LOC400499: variants seen among roughly 807,000 people sequenced by gnomAD.
chr16:11,424,085 G>A, the LOC400499 span: 24 of 399,220 alleles, frequency 6.0e-5, no homozygotes, highest in Non-Finnish European at 9.7e-5. Context: ...GAGAGGGCCC[G>A]GGTGCAGCCC....
chr16:11,397,411 C>T, the LOC400499 span, among the ~76,000 whole-genome samples: 1 of 152,104 alleles, frequency 6.6e-6, no homozygotes, highest in Non-Finnish European at 1.5e-5. Context: ...GTAGCTAGGA[C>T]TACAGGCACG....
chr16:11,397,250 C>A, the LOC400499 span, among the ~76,000 whole-genome samples: 1 of 152,102 alleles, frequency 6.6e-6, no homozygotes, highest in African/African-American at 2.4e-5. Context: ...GGTTTGGGGC[C>A]GAATCTGGCT....
chr16:11,515,316 T>A, the LOC400499 span, among the ~76,000 whole-genome samples: 78,442 of 151,162 alleles, frequency 0.52, 22,529 homozygotes, highest in Non-Finnish European at 0.64. Context: ...TAACCAGGAA[T>A]GGTGCCTTGT....
chr16:11,436,214 G>C, the LOC400499 span, among the ~76,000 whole-genome samples: 4 of 152,174 alleles, frequency 2.6e-5, no homozygotes, highest in Non-Finnish European at 5.9e-5. Context: ...ACTCGTGCTG[G>C]TGCCTGAAGG....
chr16:11,381,540 C>T, the LOC400499 span, among the ~76,000 whole-genome samples: 4 of 152,102 alleles, frequency 2.6e-5, no homozygotes, highest in Non-Finnish European at 4.4e-5. Flanking sequence ...TTTCAGACAG[C>T]AAAAATAAGA....
the LOC400499 span, among the ~76,000 whole-genome samples, chr16:11,492,620 T>C: frequency 1.3e-5 from 2 of 151,746 alleles, no homozygotes; most frequent in African/African-American, 4.8e-5. Flanking sequence ...CCATCTCTAC[T>C]AAAATTACAA....
chr16:11,384,985 G>T, the LOC400499 span: 12 of 1,232,244 alleles, frequency 9.7e-6, no homozygotes, highest in Non-Finnish European at 1.2e-5. Flanking sequence ...TCCTGGAGAC[G>T]TCCTTCCTTG....
At chr16:11,484,709 A>G in the LOC400499 span, among the ~76,000 whole-genome samples, 15 of 152,288 alleles carry the variant, frequency 9.8e-5, no homozygotes, top group East Asian at 2.9e-3. Flanking sequence ...AGTTTTTCCA[A>G]ATAAAGCCAG....
At chr16:11,459,672 T>G in the LOC400499 span, among the ~76,000 whole-genome samples, 3 of 152,322 alleles carry the variant, frequency 2.0e-5, no homozygotes, top group Non-Finnish European at 4.4e-5. Context: ...GAAATCTATG[T>G]TTCCCAAGCC....
the LOC400499 span, chr16:11,402,058 G>A: frequency 2.5e-6 from 1 of 399,126 alleles, no homozygotes; most frequent in Admixed American, 4.4e-5. Context: ...CATCCCAGCC[G>A]ACAACCAGGC....
chr16:11,487,385 C>T, the LOC400499 span: 4 of 398,974 alleles, frequency 1.0e-5, no homozygotes, highest in African/African-American at 8.2e-5. Flanking sequence ...GGCTGCCAGA[C>T]ACTAGGAGTA....
At chr16:11,441,763 C>T in the LOC400499 span, among the ~76,000 whole-genome samples, 94 of 152,246 alleles carry the variant, frequency 6.2e-4, no homozygotes, top group African/African-American at 2.2e-3. Flanking sequence ...TGAGCCAAGG[C>T]ATGCAGGCAG....
At chr16:11,468,515 C>T in the LOC400499 span, among the ~76,000 whole-genome samples, 12 of 152,224 alleles carry the variant, frequency 7.9e-5, no homozygotes, top group South Asian at 1.2e-3. Context: ...TTGTAGACAC[C>T]GGGTCTTGCT....
chr16:11,464,330 C>T, the LOC400499 span, among the ~76,000 whole-genome samples: 2 of 152,374 alleles, frequency 1.3e-5, no homozygotes, highest in African/African-American at 2.4e-5. Context: ...CAGTCTGTAT[C>T]AGAGGCTGTG....
chr16:11,404,021 C>G, the LOC400499 span, among the ~76,000 whole-genome samples: 4 of 152,336 alleles, frequency 2.6e-5, no homozygotes, highest in African/African-American at 9.6e-5. Flanking sequence ...TGCTGCTCCA[C>G]ATGCAAACCT....
chr16:11,412,081 C>T, the LOC400499 span, among the ~76,000 whole-genome samples: 2 of 152,092 alleles, frequency 1.3e-5, no homozygotes, highest in South Asian at 2.1e-4. Flanking sequence ...CCCAGGTTGG[C>T]CTCGAGCTTC....
chr16:11,373,866 C>T, the LOC400499 span, among the ~76,000 whole-genome samples: 8 of 150,774 alleles, frequency 5.3e-5, 1 homozygote, highest in South Asian at 6.4e-4. Flanking sequence ...GTGATCTGCC[C>T]GCCTCGGCCT....
the LOC400499 span, among the ~76,000 whole-genome samples, chr16:11,492,094 T>C: frequency 9.2e-5 from 14 of 152,198 alleles, no homozygotes; most frequent in Non-Finnish European, 1.3e-4. Flanking sequence ...CCCCAACAAA[T>C]GGGCATGGCT....
At chr16:11,520,907 T>C in the LOC400499 span, among the ~76,000 whole-genome samples, 1 of 152,174 alleles carries the variant, frequency 6.6e-6, no homozygotes, top group Non-Finnish European at 1.5e-5. Flanking sequence ...ATCTTTGAAA[T>C]ACACTGGTTC....
Sources: gnomAD v4.1 joint callset for allele counts (sites outside exome capture counted in the v4.1 genomes callset) on GRCh38, gnomAD v4.1.1 for gene constraint, MANE v1.5 for transcripts.